Variants in FCHSD2 observed in about 807,000 individuals in gnomAD.
The protein encoded by FCHSD2 is FCH and double SH3 domains 2.
Under a neutral mutation model 108.1 loss-of-function variants are expected in FCHSD2, and 38 were observed. That is an observed-to-expected ratio of 0.35 (90% CI 0.27 to 0.46). The LOEUF (loss-of-function observed/expected upper bound fraction) is 0.46. Among genes scored for constraint, FCHSD2 ranks in the 20% least tolerant of loss-of-function variants. FCHSD2 has a pLI of 1.00. For synonymous variants in FCHSD2, 279 were observed against 314.7 expected, an observed-to-expected ratio of 0.89 and a Z score of 1.20; for missense variants, 751 against 897.8, an observed-to-expected ratio of 0.84 and a Z score of 2.09.
At chr11:73,095,453 A>G (rs1860051575) in intron 2 of FCHSD2, among the ~76,000 whole-genome samples, 1 of 152,238 alleles carries the variant, frequency 6.6e-6, no homozygotes. Context: ...TAAATAACAA[A>G]GTCAGACTCT....
intron 4 of FCHSD2, among the ~76,000 whole-genome samples, chr11:73,010,578 G>A (rs537025108): frequency 4.7e-4 from 71 of 152,350 alleles, no homozygotes; most frequent in Admixed American, 1.9e-3. Flanking sequence ...CTATGGTGTT[G>A]TTTGGTAGGG....
At chr11:73,122,956 GTTTATC>G (rs1425649786) in intron 2 of FCHSD2, among the ~76,000 whole-genome samples, 4 of 152,094 alleles carry the variant, frequency 2.6e-5, no homozygotes, top group Non-Finnish European at 4.4e-5. Flanking sequence ...AGTACACATA[GTTTATC>G]TTAATCATTG....
rs1857268018 is a variant in FCHSD2 at position 72,984,172 on chromosome 11, T to C, written c.621A>G (p.Ala207=). 4 of 1,613,582 alleles carry C rather than the reference T, an allele frequency of 2.5e-6. No individual in the cohort carries two copies. Among genetic ancestry groups the C allele is most frequent in the Middle Eastern group, 1.6e-4 (1 of 6,062 alleles). The change falls in exon 8 of 20, where the codon GCA becomes GCG. Residue 207 remains alanine, a synonymous_variant. Transcript: ENST00000409418. ...RSECNSKATH[A]RNDYLLTLAA... is the part of the protein sequence containing the mutation. ...CTAGGGTAAGAAGATAATCATTCCTTGCGTGGGTAGCTTTGGAATTACACT... is the reference window on the plus strand; with the variant it reads ...CTAGGGTAAGAAGATAATCATTCCTCGCGTGGGTAGCTTTGGAATTACACT...
chr11:73,070,577 C>A (rs1859410825), intron 3 of FCHSD2, among the ~76,000 whole-genome samples: 1 of 152,046 alleles, frequency 6.6e-6, no homozygotes, highest in South Asian at 2.1e-4. Context: ...GCGCCTGCCA[C>A]CATGTCTGGC....
intron 2 of FCHSD2, among the ~76,000 whole-genome samples, chr11:73,122,070 A>G (rs1310282770): frequency 6.6e-6 from 1 of 152,198 alleles, no homozygotes; most frequent in East Asian, 1.9e-4. Context: ...AGACAAACAT[A>G]AAGCAAAACC....
intron 3 of FCHSD2, among the ~76,000 whole-genome samples, chr11:73,061,163 G>A (rs1488075984): frequency 3.9e-5 from 6 of 152,178 alleles, no homozygotes; most frequent in African/African-American, 1.4e-4. Flanking sequence ...CATGGAAGGC[G>A]AGCCGAAGCA....
chr11:72,923,807 C>G (rs972128335), intron 8 of FCHSD2, among the ~76,000 whole-genome samples: 1 of 152,048 alleles, frequency 6.6e-6, no homozygotes, highest in African/African-American at 2.4e-5. Context: ...GATGTAGTGG[C>G]GTCTGCCTGT....
At chr11:73,118,664 T>C (rs1053554369) in intron 2 of FCHSD2, among the ~76,000 whole-genome samples, 1 of 152,224 alleles carries the variant, frequency 6.6e-6, no homozygotes, top group African/African-American at 2.4e-5. Flanking sequence ...ATCTCTTCAT[T>C]ACTGATTTCT....
intron 3 of FCHSD2, among the ~76,000 whole-genome samples, chr11:73,029,239 C>T (rs752640003): frequency 1.3e-5 from 2 of 152,056 alleles, no homozygotes; most frequent in Non-Finnish European, 2.9e-5. Flanking sequence ...GATACGGAAA[C>T]CACTTACAAG....
chr11:73,043,542 G>A (rs879690910), intron 3 of FCHSD2, among the ~76,000 whole-genome samples: 11 of 152,128 alleles, frequency 7.2e-5, no homozygotes, highest in Non-Finnish European at 1.0e-4. Flanking sequence ...AATGTACACA[G>A]TATAGATAAA....
chr11:72,843,524 T>C lies in FCHSD2; in HGVS notation c.1452A>G (p.Gln484=), dbSNP rs753235824. 4 of 1,613,310 alleles carry C rather than the reference T, an allele frequency of 2.5e-6. No homozygotes were observed. The highest frequency in any genetic ancestry group is 2.2e-5 in the South Asian group (2 of 91,088). Residue 484 remains glutamine (Q), a synonymous_variant, in exon 15 of 20, where the codon CAA becomes CAG. Transcript: ENST00000409418. ...CKVVYSYKAS[Q]PDELTIEEHE... is the part of the protein sequence containing the mutation. ...GTTCCTCAATGGTCAACTCATCTGGTTGAGAAGCCTGCAGTGTAGGATGGT... is the reference window on the plus strand; with the variant it reads ...GTTCCTCAATGGTCAACTCATCTGGCTGAGAAGCCTGCAGTGTAGGATGGT...
At chr11:73,059,036 G>A (rs942790275) in intron 3 of FCHSD2, among the ~76,000 whole-genome samples, 2 of 152,258 alleles carry the variant, frequency 1.3e-5, no homozygotes, top group East Asian at 1.9e-4. Flanking sequence ...TTTAAGCTAA[G>A]CTAAGAAATA....
At chr11:72,985,781 A>C (rs1857299487) in intron 6 of FCHSD2, among the ~76,000 whole-genome samples, 1 of 152,164 alleles carries the variant, frequency 6.6e-6, no homozygotes, top group Admixed American at 6.5e-5. Context: ...CCATAATCTA[A>C]CAATAGGTAG....
chr11:72,872,043 A>C (rs2135214063), intron 12 of FCHSD2, among the ~76,000 whole-genome samples: 1 of 152,152 alleles, frequency 6.6e-6, no homozygotes, highest in Non-Finnish European at 1.5e-5. Flanking sequence ...ATAAAAATTG[A>C]GGTAAAACAT....
intron 9 of FCHSD2, among the ~76,000 whole-genome samples, chr11:72,921,299 G>A (rs1423924351): frequency 6.6e-6 from 1 of 152,050 alleles, no homozygotes; most frequent in African/African-American, 2.4e-5. Flanking sequence ...TATTTTCTCT[G>A]CATACAATGT....
chr11:72,843,697 T>C (rs1288975335), intron 14 of FCHSD2, 165 bp from the exon 15 acceptor site: 1 of 603,522 alleles, frequency 1.7e-6, no homozygotes, highest in Non-Finnish European at 2.9e-6. Context: ...GGTGAAGTTT[T>C]ACTTTAAAAA....
chr11:72,837,075 G>A lies in FCHSD2; in HGVS notation c.*1716C>T, dbSNP rs1283728347. The A allele has an allele frequency of 6.6e-6, 1 of 152,154 alleles. No individual in the cohort carries two copies. The highest frequency in any genetic ancestry group is 2.4e-5 in the African/African-American group (1 of 41,444). The allele number at this position is 152,154 out of a possible 1,614,324, so 9.4% of individuals were successfully genotyped here. A position where few individuals can be genotyped will look rare whatever the true frequency, so the allele number is the denominator to read the frequency against. On this transcript the variant is annotated 3_prime_UTR_variant, in exon 20 of 20. Transcript: ENST00000409418. ...GACAGAATACAAGACTGGGTGGCAA[G>A]AACTGCTCTATTTAATAAGCATTTG...
chr11:73,012,382 T>G (rs1051297085), intron 4 of FCHSD2, among the ~76,000 whole-genome samples: 2 of 152,202 alleles, frequency 1.3e-5, no homozygotes, highest in African/African-American at 2.4e-5. Context: ...GACCACACAC[T>G]TGTAATAGCA....
intron 8 of FCHSD2, among the ~76,000 whole-genome samples, chr11:72,954,277 G>A (rs931722494): frequency 4.7e-5 from 7 of 148,682 alleles, no homozygotes; most frequent in Admixed American, 2.7e-4. Flanking sequence ...ACAGCATGGC[G>A]GCTCACTGCA....
Sources: gnomAD v4.1 joint callset for allele counts (sites outside exome capture counted in the v4.1 genomes callset) on GRCh38, gnomAD v4.1.1 for gene constraint, MANE v1.5 for transcripts, NCBI Gene and HGNC (gene_info 2026-07-23, HGNC 2026-07-21) for gene names.